Variants in NCAM1 observed in about 807,000 individuals in gnomAD.
NCAM1 encodes the protein neural cell adhesion molecule 1, also known as antigen recognized by monoclonal antibody 5.1H11.
Under a neutral mutation model 109.8 loss-of-function variants are expected in NCAM1, and 14 were observed. The observed-to-expected ratio is 0.13, with a 90% CI of 0.08 to 0.20. The LOEUF (loss-of-function observed/expected upper bound fraction) is 0.20. Among genes scored for constraint, NCAM1 ranks in the 10% least tolerant of loss-of-function variants. The pLI is 1.00. For missense variants in NCAM1, 774 were observed against 1,109.9 expected, an observed-to-expected ratio of 0.70 and a Z score of 4.30; for synonymous variants, 418 against 442.9, an observed-to-expected ratio of 0.94 and a Z score of 0.70.
At chr11:113,011,964 T>TTTCC (rs200929273) in intron 1 of NCAM1, among the ~76,000 whole-genome samples, 37,787 of 113,702 alleles carry the variant, frequency 0.33, 6,768 homozygotes, top group Middle Eastern at 0.41. Context: ...CCTTCTCTCC[T>TTTCC]TTCCTTCCTT....
At chr11:113,071,379 C>A (rs1267260433) in intron 1 of NCAM1, among the ~76,000 whole-genome samples, 4 of 151,382 alleles carry the variant, frequency 2.6e-5, no homozygotes, top group African/African-American at 9.7e-5. Flanking sequence ...ACTTGAGCAA[C>A]CTTTCCAATT....
intron 17 of NCAM1, chr11:113,264,051 A>C: frequency 1.0e-6 from 1 of 985,200 alleles, no homozygotes; most frequent in South Asian, 4.7e-5. Context: ...GTGTTTTGTT[A>C]AGGTCCCTTG....
At chr11:113,010,137 G>A (rs932630232) in intron 1 of NCAM1, among the ~76,000 whole-genome samples, 5 of 152,126 alleles carry the variant, frequency 3.3e-5, no homozygotes, top group Admixed American at 1.3e-4. Context: ...AAACTAGGAT[G>A]TCAGGCATTC....
chr11:113,120,416 A>G (rs1940907447), intron 1 of NCAM1, among the ~76,000 whole-genome samples: 1 of 152,220 alleles, frequency 6.6e-6, no homozygotes, highest in South Asian at 2.1e-4. Flanking sequence ...ATAAACAGCC[A>G]ACAGCCTAGC....
intron 1 of NCAM1, among the ~76,000 whole-genome samples, chr11:113,134,586 C>T (rs1180034653): frequency 6.6e-6 from 1 of 152,132 alleles, no homozygotes; most frequent in Non-Finnish European, 1.5e-5. Context: ...AGGCTGAACA[C>T]TCATCTTGAG....
chr11:113,199,640 G>T (rs1373489318), intron 1 of NCAM1, among the ~76,000 whole-genome samples: 1 of 151,282 alleles, frequency 6.6e-6, no homozygotes, highest in Non-Finnish European at 1.5e-5. Flanking sequence ...TTGTGGGGTG[G>T]GGGGACGGGG....
chr11:113,012,401 G>A (rs1202040395), intron 1 of NCAM1, among the ~76,000 whole-genome samples: 1 of 152,120 alleles, frequency 6.6e-6, no homozygotes, highest in Non-Finnish European at 1.5e-5. Flanking sequence ...CAGTATATCA[G>A]TGTTAAATTT....
At chr11:113,162,184 C>T (rs7939805) in intron 1 of NCAM1, among the ~76,000 whole-genome samples, 2 of 152,160 alleles carry the variant, frequency 1.3e-5, no homozygotes, top group Non-Finnish European at 2.9e-5. Flanking sequence ...GCTACAGGAA[C>T]AAGGCCAGGG....
At chr11:113,076,621 A>G (rs1294664988) in intron 1 of NCAM1, among the ~76,000 whole-genome samples, 1 of 152,212 alleles carries the variant, frequency 6.6e-6, no homozygotes, top group Non-Finnish European at 1.5e-5. Flanking sequence ...TTCTAATGCT[A>G]GACTGCTTAG....
At position 113,218,491 on chromosome 11, in the gene NCAM1, G is replaced by T. The variant is rs192276750; in HGVS notation, c.1060-2805G>T. Reference sequence around the variant, plus strand: ...TATTAGTCTTCTTAAGGGAAGAGGTGGAAAAAAGGCATTCAACCATAGACA... The same window carrying T: ...TATTAGTCTTCTTAAGGGAAGAGGTTGAAAAAAGGCATTCAACCATAGACA... On this transcript the variant is annotated intron_variant, in intron 8 of 19. Coordinates refer to ENST00000316851, the MANE Select transcript of NCAM1 (RefSeq NM_181351.5). Among the ~76,000 whole-genome samples the T allele has an allele frequency of 2.0e-3, 297 of 152,138 alleles. 2 individuals carry two copies. The highest frequency in any genetic ancestry group is 6.6e-3 in the African/African-American group (275 of 41,504).
chr11:113,275,477 C>A lies in NCAM1; in HGVS notation c.*90C>A. ...CCAACACCACAGACACACACACGCACGCACACACACAAACACACATGCACA... is the reference window on the plus strand; with the variant it reads ...CCAACACCACAGACACACACACGCAAGCACACACACAAACACACATGCACA... On this transcript the variant is annotated 3_prime_UTR_variant, in exon 20 of 20. Coordinates refer to ENST00000316851, the MANE Select transcript of NCAM1 (RefSeq NM_181351.5). 6.8e-7 allele frequency: 1 copy of A among 1,469,960 alleles called. No individual in the cohort carries two copies. The highest frequency in any genetic ancestry group is 9.3e-7 in the Non-Finnish European group (1 of 1,080,916). 91.1% of individuals were successfully genotyped at this position (1,469,960 alleles called of 1,614,324 possible). A position where few individuals can be genotyped will look rare whatever the true frequency, so the allele number is the denominator to read the frequency against.
At chr11:113,226,799 T>C (rs1032658421) in intron 9 of NCAM1, among the ~76,000 whole-genome samples, 20 of 152,174 alleles carry the variant, frequency 1.3e-4, no homozygotes, top group African/African-American at 4.1e-4. Flanking sequence ...CTCAACTACA[T>C]GGAAACTGAA....
chr11:113,234,176 A>C (rs938293209), intron 13 of NCAM1, among the ~76,000 whole-genome samples: 1 of 151,128 alleles, frequency 6.6e-6, no homozygotes, highest in Admixed American at 6.6e-5. Context: ...GAAAGCAATC[A>C]CTTTGCCTTC....
intron 1 of NCAM1, among the ~76,000 whole-genome samples, chr11:113,123,060 G>A (rs1941033162): frequency 6.6e-6 from 1 of 152,228 alleles, no homozygotes; most frequent in Non-Finnish European, 1.5e-5. Flanking sequence ...AGGGAAGGGT[G>A]TGTGTAGGTG....
intron 17 of NCAM1, chr11:113,263,169 G>C (rs1946056196): frequency 1.7e-6 from 2 of 1,184,096 alleles, no homozygotes; most frequent in East Asian, 7.9e-5. Context: ...AAGAATTTGA[G>C]AGCTCTTTCT....
chr11:113,128,951 A>G (rs79324914), intron 1 of NCAM1, among the ~76,000 whole-genome samples: 5,707 of 141,846 alleles, frequency 0.04, 480 homozygotes, highest in East Asian at 0.16. Context: ...GTGTGTGTGC[A>G]TGCGTGCAGG....
At chr11:113,084,200 G>C (rs1230220990) in intron 1 of NCAM1, among the ~76,000 whole-genome samples, 5 of 152,122 alleles carry the variant, frequency 3.3e-5, no homozygotes, top group Non-Finnish European at 7.3e-5. Context: ...ACTTTAAGGA[G>C]GCGCCCACTC....
At chr11:113,228,586 A>C (rs1432533479) in intron 9 of NCAM1, among the ~76,000 whole-genome samples, 4 of 152,234 alleles carry the variant, frequency 2.6e-5, no homozygotes, top group African/African-American at 4.8e-5. Context: ...AAGCTACTTT[A>C]AAGTTCATAT....
At chr11:113,118,176 A>T (rs1555095261) in intron 1 of NCAM1, among the ~76,000 whole-genome samples, 1 of 151,802 alleles carries the variant, frequency 6.6e-6, no homozygotes. Context: ...TAATCATAGT[A>T]TCTAGGTACT....
Sources: allele counts gnomAD v4.1 joint callset (sites outside exome capture counted in the v4.1 genomes callset), GRCh38; gene constraint gnomAD v4.1.1; transcripts MANE v1.5; gene names NCBI Gene and HGNC (gene_info 2026-07-23, HGNC 2026-07-21).